The following SEMA3A variants were observed in gnomAD, a reference collection of about 807,000 sequenced individuals.
The protein encoded by SEMA3A is semaphorin 3A.
In SEMA3A, 29 loss-of-function variants were observed where a neutral mutation model predicts 97.9. That is an observed-to-expected ratio of 0.30 (90% CI 0.22 to 0.40). The LOEUF is 0.40. Among genes scored for constraint, SEMA3A ranks in the 10% least tolerant of loss-of-function variants. The pLI is 1.00. For missense variants in SEMA3A, 763 were observed against 951.3 expected (o/e 0.80, Z 2.60); for synonymous variants, 321 against 323.7 (o/e 0.99, Z 0.09).
intron 3 of SEMA3A, chr7:84,307,108 A>T (rs910086723): frequency 8.5e-5 from 13 of 152,144 alleles, no homozygotes; most frequent in Non-Finnish European, 1.5e-4. Flanking sequence ...ATTTTTAAAA[A>T]TTATCTTATA....
chr7:84,353,389 G>A (rs1267360024), intron 2 of SEMA3A, among the ~76,000 whole-genome samples: 1 of 151,322 alleles, frequency 6.6e-6, no homozygotes, highest in African/African-American at 2.4e-5. Context: ...ATTATAATAG[G>A]GGTGTTTTTG....
rs573537930 is a variant in SEMA3A at position 84,056,588 on chromosome 7, AAAAAG to A, written c.547+3872_547+3876del. On this transcript the variant is annotated intron_variant, in intron 5 of 16. Transcript: ENST00000265362. ...AAATTAGAAACAGAAGGGGGAAAAA[AAAAAG>A]AAAATACCCCCTCTATCACACACAC... is the stretch of plus-strand genomic sequence containing the variant. 1.2e-3 allele frequency among the ~76,000 whole-genome samples: 178 copies of A among 152,162 alleles called. 1 individual carries two copies. Among genetic ancestry groups the A allele is most frequent in the African/African-American group, 4.1e-3 (169 of 41,528 alleles).
intron 4 of SEMA3A, among the ~76,000 whole-genome samples, chr7:84,063,175 G>T (rs1027529226): frequency 2.0e-5 from 3 of 151,738 alleles, no homozygotes; most frequent in African/African-American, 4.8e-5. Context: ...ACCTCACATG[G>T]CAGGGTATTC....
intron 3 of SEMA3A, among the ~76,000 whole-genome samples, chr7:84,288,770 G>C (rs1292826584): frequency 6.6e-6 from 1 of 152,036 alleles, no homozygotes; most frequent in Non-Finnish European, 1.5e-5. Context: ...CTTATATATT[G>C]TTTGGTGGGC....
intron 2 of SEMA3A, among the ~76,000 whole-genome samples, chr7:84,358,472 C>A (rs1043979894): frequency 7.2e-5 from 11 of 152,122 alleles, no homozygotes; most frequent in African/African-American, 2.7e-4. Context: ...TTCCTGAGGG[C>A]TCCATTCTGT....
At chr7:84,468,974 AT>A (rs1375915196) in intron 1 of SEMA3A, among the ~76,000 whole-genome samples, 2 of 151,744 alleles carry the variant, frequency 1.3e-5, no homozygotes, top group African/African-American at 4.8e-5. Flanking sequence ...TTTTTATTTT[AT>A]TTCAGGAAAA....
intron 3 of SEMA3A, among the ~76,000 whole-genome samples, chr7:84,219,692 C>CA (rs1450201729): frequency 2.6e-5 from 4 of 152,176 alleles, no homozygotes; most frequent in African/African-American, 9.7e-5. Context: ...ATCATCTCAG[C>CA]CTTCAGCAAC....
chr7:84,399,175 T>A lies in SEMA3A; in HGVS notation c.-245-27275A>T, dbSNP rs1358449699. Among the ~76,000 whole-genome samples, 17 of 152,262 alleles carry A rather than the reference T, an allele frequency of 1.1e-4. 1 individual carries two copies. The South Asian group carries it at 3.5e-3, about 32-fold the overall frequency. On this transcript the variant is annotated intron_variant, in intron 1 of 3. Coordinates refer to the SEMA3A transcript ENST00000424555. ...TATGCATTGGAACTCAGTGCCACCCTGTCACTATGCAACACAACACAGGAA... is the reference window on the plus strand; with the variant it reads ...TATGCATTGGAACTCAGTGCCACCCAGTCACTATGCAACACAACACAGGAA...
intron 1 of SEMA3A, among the ~76,000 whole-genome samples, chr7:84,456,483 A>C (rs955806797): frequency 1.3e-5 from 2 of 151,842 alleles, no homozygotes. Flanking sequence ...TTAACTTTGA[A>C]TGGGCCAGAT....
chr7:83,970,645 T>C (rs1432612615), intron 15 of SEMA3A, among the ~76,000 whole-genome samples: 1 of 152,194 alleles, frequency 6.6e-6, no homozygotes, highest in Non-Finnish European at 1.5e-5. Context: ...TTGTAAATAA[T>C]ACATGTAAAA....
At chr7:84,266,274 T>G (rs182163329) in intron 3 of SEMA3A, among the ~76,000 whole-genome samples, 8 of 121,180 alleles carry the variant, frequency 6.6e-5, no homozygotes, top group African/African-American at 2.6e-4. Flanking sequence ...TGAGTCAAGA[T>G]CATGCCACTG....
intron 1 of SEMA3A, among the ~76,000 whole-genome samples, chr7:84,414,395 A>C (rs1180809920): frequency 2.1e-5 from 2 of 96,218 alleles, no homozygotes; most frequent in African/African-American, 8.0e-5. Context: ...GGCTAAAAGT[A>C]AAAAAAAAAA....
chr7:84,219,637 C>T (rs978722145), intron 3 of SEMA3A, among the ~76,000 whole-genome samples: 8 of 152,108 alleles, frequency 5.3e-5, no homozygotes, highest in Admixed American at 1.3e-4. Context: ...CAAAAAATGT[C>T]CACACCTTAA....
chr7:84,306,178 G>A (rs1359490512), intron 3 of SEMA3A, among the ~76,000 whole-genome samples: 1 of 151,270 alleles, frequency 6.6e-6, no homozygotes, highest in Non-Finnish European at 1.5e-5. Flanking sequence ...AATTTTTTTT[G>A]TGTATGTAAA....
At chr7:84,421,644 G>A (rs571811035) in intron 1 of SEMA3A, among the ~76,000 whole-genome samples, 21 of 152,168 alleles carry the variant, frequency 1.4e-4, no homozygotes, top group African/African-American at 4.6e-4. Flanking sequence ...TATGATATTG[G>A]CTGCTGGTTT....
At chr7:84,054,333 G>C (rs372021585) in intron 5 of SEMA3A, among the ~76,000 whole-genome samples, 118 of 152,106 alleles carry the variant, frequency 7.8e-4, no homozygotes, top group African/African-American at 2.7e-3. Flanking sequence ...CATTCTCCCC[G>C]TCACTTTCAG....
intron 3 of SEMA3A, among the ~76,000 whole-genome samples, chr7:84,226,004 A>G (rs1798982997): frequency 6.6e-6 from 1 of 152,128 alleles, no homozygotes. Context: ...CCATATAAAA[A>G]TGTATCTTCT....
At chr7:84,089,240 CTGTT>C (rs999564134) in intron 4 of SEMA3A, among the ~76,000 whole-genome samples, 1 of 152,128 alleles carries the variant, frequency 6.6e-6, no homozygotes, top group African/African-American at 2.4e-5. Flanking sequence ...GTTTAGTAGT[CTGTT>C]TGCAGGAGAA....
intron 3 of SEMA3A, among the ~76,000 whole-genome samples, chr7:84,219,318 T>C (rs760372182): frequency 2.4e-4 from 36 of 152,140 alleles, no homozygotes; most frequent in Non-Finnish European, 4.9e-4. Context: ...AACTACTCCT[T>C]AGTATGATAT....
Sources: gnomAD v4.1 joint callset for allele counts (sites outside exome capture counted in the v4.1 genomes callset) on GRCh38, gnomAD v4.1.1 for gene constraint, MANE v1.5 for transcripts, NCBI Gene and HGNC (gene_info 2026-07-23, HGNC 2026-07-21) for gene names.